SLC16A7: variants seen among roughly 807,000 people sequenced by gnomAD.
SLC16A7 encodes solute carrier family 16 member 7.
A neutral mutation model predicts 34.9 loss-of-function variants in SLC16A7; 33 were observed. The ratio of observed to expected loss-of-function variants is 0.94; its 90% CI spans 0.72 to 1.26. SLC16A7 has a LOEUF of 1.26. Ranked by LOEUF, SLC16A7 falls within the 50% of genes most tolerant of loss-of-function variation. SLC16A7 has a pLI of 0.00. For missense variants in SLC16A7, 573 were observed against 578.1 expected (o/e 0.99, Z 0.09); for synonymous variants, 201 against 206.6 (o/e 0.97, Z 0.23).
chr12:59,682,862 T>A (rs1162333321), intron 2 of SLC16A7, among the ~76,000 whole-genome samples: 1 of 151,984 alleles, frequency 6.6e-6, no homozygotes, highest in African/African-American at 2.4e-5. Context: ...AGGTCGAGAG[T>A]TCGAGACCAG....
chr12:59,762,971 A>G (rs1355405723), intron 3 of SLC16A7, among the ~76,000 whole-genome samples: 3 of 152,098 alleles, frequency 2.0e-5, no homozygotes, highest in Admixed American at 2.0e-4. Flanking sequence ...CATGGGTTTA[A>G]GTATTTTTAA....
intron 2 of SLC16A7, among the ~76,000 whole-genome samples, chr12:59,703,907 T>A (rs1284876970): frequency 5.3e-5 from 8 of 151,906 alleles, no homozygotes; most frequent in Middle Eastern, 3.2e-3. Flanking sequence ...TTTTATTTTT[T>A]AAAAATAGTG....
At chr12:59,686,669 C>T (rs1046952849) in intron 2 of SLC16A7, among the ~76,000 whole-genome samples, 4 of 152,054 alleles carry the variant, frequency 2.6e-5, no homozygotes, top group African/African-American at 9.7e-5. Context: ...ACATGCCTCT[C>T]GCTATATACT....
intron 3 of SLC16A7, among the ~76,000 whole-genome samples, chr12:59,711,673 C>T (rs1203614425): frequency 6.6e-6 from 1 of 152,096 alleles, no homozygotes; most frequent in Non-Finnish European, 1.5e-5. Flanking sequence ...GGTGCACCAC[C>T]ATGCCCAGCT....
intron 2 of SLC16A7, among the ~76,000 whole-genome samples, chr12:59,700,234 T>C (rs906716325): frequency 1.3e-5 from 2 of 151,668 alleles, no homozygotes; most frequent in Non-Finnish European, 3.0e-5. Context: ...CCTATCCTTG[T>C]TTTTCTACTA....
At position 59,732,558 on chromosome 12, in the gene SLC16A7, GCCT is replaced by G. The variant is rs1158769217; in HGVS notation, c.217+27541_217+27543del. Among the ~76,000 whole-genome samples the G allele has an allele frequency of 3.9e-5, 6 of 152,244 alleles. No homozygotes were observed. In the South Asian group the frequency reaches 6.2e-4, roughly 16 times the overall value. ...GCACAGAAGATCATATGTGACTGAAGCCTAATTTGTGACTTGTAACTCACTCAT... is the reference window on the plus strand; with the variant it reads ...GCACAGAAGATCATATGTGACTGAAGAATTTGTGACTTGTAACTCACTCAT... On this transcript the variant is annotated intron_variant, in intron 3 of 5. Transcript: ENST00000547379.
intron 3 of SLC16A7, among the ~76,000 whole-genome samples, chr12:59,767,543 T>C (rs934517323): frequency 6.6e-6 from 1 of 152,120 alleles, no homozygotes; most frequent in Non-Finnish European, 1.5e-5. Flanking sequence ...TTAATAATTA[T>C]GCCAAATCTG....
intron 1 of SLC16A7, among the ~76,000 whole-genome samples, chr12:59,609,321 C>T (rs1414349672): frequency 1.3e-5 from 2 of 152,212 alleles, no homozygotes; most frequent in East Asian, 1.9e-4. Context: ...GACAAAAATC[C>T]GTCCTGGTTT....
chr12:59,754,848 A>G (rs1880099528), intron 3 of SLC16A7, among the ~76,000 whole-genome samples: 1 of 152,222 alleles, frequency 6.6e-6, no homozygotes, highest in South Asian at 2.1e-4. Flanking sequence ...CATTGATGCA[A>G]AAATCCTCAA....
intron 1 of SLC16A7, among the ~76,000 whole-genome samples, chr12:59,651,815 T>C (rs1187603609): frequency 1.3e-5 from 2 of 152,154 alleles, no homozygotes; most frequent in African/African-American, 4.8e-5. Context: ...GCTAGTTGTT[T>C]CCAAACAAAC....
At chr12:59,773,210 A>T (rs142540100) in intron 4 of SLC16A7, among the ~76,000 whole-genome samples, 1 of 152,200 alleles carries the variant, frequency 6.6e-6, no homozygotes, top group Non-Finnish European at 1.5e-5. Context: ...TGTTATTTAT[A>T]AATCGGATTT....
intron 1 of SLC16A7, among the ~76,000 whole-genome samples, chr12:59,651,119 G>C (rs546091928): frequency 9.2e-4 from 140 of 152,162 alleles, no homozygotes; most frequent in African/African-American, 3.3e-3. Flanking sequence ...AGTGTGTCTT[G>C]GCTTTGCTCC....
At chr12:59,681,110 C>T (rs1870711093) in intron 2 of SLC16A7, among the ~76,000 whole-genome samples, 1 of 152,212 alleles carries the variant, frequency 6.6e-6, no homozygotes, top group Non-Finnish European at 1.5e-5. Flanking sequence ...GACCCCTGTT[C>T]AAATCCATGC....
intron 3 of SLC16A7, among the ~76,000 whole-genome samples, chr12:59,717,411 G>A (rs142140564): frequency 1.4e-3 from 216 of 152,246 alleles, no homozygotes; most frequent in African/African-American, 5.0e-3. Flanking sequence ...TTTGGCACTT[G>A]CAGATAAAGA....
At chr12:59,668,022 T>C (rs1294626954) in intron 2 of SLC16A7, among the ~76,000 whole-genome samples, 1 of 152,210 alleles carries the variant, frequency 6.6e-6, no homozygotes. Context: ...AAGTCAAGAA[T>C]TGAGGTTTGA....
chr12:59,752,697 G>C (rs1292727133), intron 3 of SLC16A7, among the ~76,000 whole-genome samples: 1 of 152,156 alleles, frequency 6.6e-6, no homozygotes, highest in Non-Finnish European at 1.5e-5. Context: ...TATTATCCAG[G>C]AGAACTTCCC....
At chr12:59,728,726 T>C (rs34272110) in intron 3 of SLC16A7, among the ~76,000 whole-genome samples, 11,621 of 152,192 alleles carry the variant, frequency 0.076, 538 homozygotes, top group Middle Eastern at 0.17. Flanking sequence ...TCTTTTCTCT[T>C]AAAAAATAAA....
intron 4 of SLC16A7, among the ~76,000 whole-genome samples, chr12:59,772,028 C>T (rs538480997): frequency 1.3e-5 from 2 of 152,126 alleles, no homozygotes; most frequent in South Asian, 2.1e-4. Flanking sequence ...TATGTACACC[C>T]GGAAAGCACT....
intron 3 of SLC16A7, among the ~76,000 whole-genome samples, chr12:59,714,201 A>C (rs1224694429): frequency 6.6e-6 from 1 of 152,160 alleles, no homozygotes; most frequent in South Asian, 2.1e-4. Context: ...AATGTGATTG[A>C]TCTATGGTGA....
Sources: gnomAD v4.1 joint callset for allele counts (sites outside exome capture counted in the v4.1 genomes callset) on GRCh38, gnomAD v4.1.1 for gene constraint, MANE v1.5 for transcripts, NCBI Gene and HGNC (gene_info 2026-07-23, HGNC 2026-07-21) for gene names.